Variants in MAPRE2 observed in about 807,000 individuals in gnomAD.
MAPRE2 encodes microtubule associated protein RP/EB family member 2.
In MAPRE2, 13 loss-of-function variants were observed where a neutral mutation model predicts 43.2. The observed-to-expected ratio is 0.30, with a 90% confidence interval of 0.20 to 0.48. MAPRE2 has a LOEUF of 0.48. Ranked by LOEUF, MAPRE2 falls within the 20% of genes least tolerant of loss-of-function variation. The probability of loss-of-function intolerance (pLI) is 0.99; values close to 1 mark genes in which losing one functional copy is unlikely to be tolerated. For missense variants in MAPRE2, 161 were observed against 400.2 expected, an observed-to-expected ratio of 0.40 and a Z score of 5.10; for synonymous variants, 135 against 148.8, an observed-to-expected ratio of 0.91 and a Z score of 0.68.
rs2097037128 is a variant in MAPRE2 at position 35,014,814 on chromosome 18, C to A, written c.-8+9261C>A. 2.0e-5 allele frequency among the ~76,000 whole-genome samples: 3 copies of A among 151,714 alleles called. No homozygotes were observed. The South Asian group carries it at 6.2e-4, about 32-fold the overall frequency. ...AGGGTACTGTGGCCCCAGGGACAAG[C>A]ACTGTGTTGCATATACAAATACATC... On this transcript the variant is annotated intron_variant, in intron 2 of 7. Coordinates refer to the MAPRE2 transcript ENST00000413393.
intron 2 of MAPRE2, among the ~76,000 whole-genome samples, chr18:35,077,656 C>A (rs760375904): frequency 2.1e-4 from 32 of 152,150 alleles, no homozygotes; most frequent in Non-Finnish European, 4.4e-4. Flanking sequence ...AACTCCATAG[C>A]CCCAGGGATC....
At chr18:34,992,821 C>A (rs187207837) in intron 1 of MAPRE2, among the ~76,000 whole-genome samples, 7 of 152,302 alleles carry the variant, frequency 4.6e-5, no homozygotes, top group Non-Finnish European at 1.0e-4. Flanking sequence ...TGATTTCCGG[C>A]AGATCAGACA....
At chr18:35,078,635 T>C (rs1255761153) in intron 2 of MAPRE2, among the ~76,000 whole-genome samples, 3 of 152,190 alleles carry the variant, frequency 2.0e-5, no homozygotes, top group East Asian at 1.9e-4. Flanking sequence ...GTGTGGCAGC[T>C]GTGGATGCAA....
rs1367827434 is a variant in MAPRE2, at chr18:35,141,969, AT to A, written c.*1603del. The A allele has an allele frequency of 2.6e-5, 4 of 152,246 alleles. No individual in the cohort carries two copies. The highest frequency in any genetic ancestry group is 9.6e-5 in the African/African-American group (4 of 41,464). The allele number at this position is 152,246 out of a possible 1,614,324, so 9.4% of individuals were successfully genotyped here. A position where few individuals can be genotyped will look rare whatever the true frequency, so the allele number is the denominator to read the frequency against. ...AATAAATCTTTTGCAGCAAAGTGATATTTATTGAGTTATGTGGAAAAGATGG... is the reference window on the plus strand; with the variant it reads ...AATAAATCTTTTGCAGCAAAGTGATATTATTGAGTTATGTGGAAAAGATGG... On this transcript the variant is annotated 3_prime_UTR_variant, in exon 7 of 7. Coordinates refer to ENST00000300249, the MANE Select transcript of MAPRE2 (RefSeq NM_014268.4).
chr18:35,085,862 T>A (rs1394814046), intron 2 of MAPRE2, among the ~76,000 whole-genome samples: 1 of 152,166 alleles, frequency 6.6e-6, no homozygotes, highest in Non-Finnish European at 1.5e-5. Flanking sequence ...ATGAGAAGGC[T>A]CAGATCCAAA....
At chr18:34,985,302 T>TATAA (rs1568961507) in intron 1 of MAPRE2, among the ~76,000 whole-genome samples, 1 of 21,328 alleles carries the variant, frequency 4.7e-5, no homozygotes, top group African/African-American at 1.8e-4. Context: ...ATATTATATA[T>TATAA]TGTATATATT....
intron 3 of MAPRE2, among the ~76,000 whole-genome samples, chr18:35,101,622 A>G (rs1280449798): frequency 6.6e-6 from 1 of 152,168 alleles, no homozygotes; most frequent in Non-Finnish European, 1.5e-5. Flanking sequence ...TCCCACAAAT[A>G]AGTGAAAATG....
intron 4 of MAPRE2, among the ~76,000 whole-genome samples, chr18:35,112,565 T>C (rs989875783): frequency 6.6e-6 from 1 of 152,216 alleles, no homozygotes; most frequent in Non-Finnish European, 1.5e-5. Context: ...CTAAGCTGCA[T>C]ACCATTTAAT....
chr18:35,031,599 T>C (rs1316817984), intron 2 of MAPRE2, among the ~76,000 whole-genome samples: 1 of 152,214 alleles, frequency 6.6e-6, no homozygotes, highest in Admixed American at 6.5e-5. Flanking sequence ...TTCTACAAAA[T>C]TAAATCCAAG....
At position 35,140,297 on chromosome 18, in the gene MAPRE2, G is replaced by A. The variant is rs750710500; in HGVS notation, c.912G>A (p.Glu304=). ...TGAAACTTCTCCCCTGCCCACAGGA[G>A]GGCCACACAGAAGAGCCGGAAGCAG... The part of the protein sequence containing the change: ...MDILYASEEH[E]GHTEEPEAEE... The change falls in exon 7 of 7, where the codon GAG becomes GAA. Residue 304 remains glutamate (E), a splice_region_variant and synonymous_variant. Coordinates refer to ENST00000300249, the MANE Select transcript of MAPRE2 (RefSeq NM_014268.4). 1.1e-5 allele frequency: 18 copies of A among 1,613,510 alleles called. 1 individual carries two copies. The Middle Eastern group carries it at 5.0e-4, about 44-fold the overall frequency.
chr18:35,008,183 A>T (rs774408064), intron 2 of MAPRE2, among the ~76,000 whole-genome samples: 1 of 152,136 alleles, frequency 6.6e-6, no homozygotes, highest in East Asian at 1.9e-4. Flanking sequence ...CTCATGATGT[A>T]TAAGACTCAG....
chr18:35,008,626 C>T (rs756688140), intron 2 of MAPRE2, among the ~76,000 whole-genome samples: 1 of 152,098 alleles, frequency 6.6e-6, no homozygotes, highest in Non-Finnish European at 1.5e-5. Context: ...TTAATTCTTA[C>T]TATCTTCCCA....
intron 2 of MAPRE2, among the ~76,000 whole-genome samples, chr18:35,009,981 T>C (rs1168533601): frequency 2.0e-5 from 3 of 152,172 alleles, no homozygotes; most frequent in African/African-American, 7.2e-5. Context: ...ACCATAGAGG[T>C]AGTAAGAATT....
At chr18:35,002,613 A>G (rs139778491) in intron 1 of MAPRE2, among the ~76,000 whole-genome samples, 1 of 152,160 alleles carries the variant, frequency 6.6e-6, no homozygotes, top group South Asian at 2.1e-4. Context: ...TCTGATAGGT[A>G]TGTTGTGATG....
intron 1 of MAPRE2, among the ~76,000 whole-genome samples, chr18:34,984,164 T>C (rs907670963): frequency 6.6e-6 from 1 of 152,182 alleles, no homozygotes; most frequent in Non-Finnish European, 1.5e-5. Flanking sequence ...GCTGGAAAGA[T>C]TACCATTAAG....
upstream of MAPRE2, among the ~76,000 whole-genome samples, chr18:35,038,665 A>G (rs1203598069): frequency 1.3e-5 from 2 of 152,162 alleles, no homozygotes; most frequent in African/African-American, 4.8e-5. Flanking sequence ...CTTTTCCTAC[A>G]TCGTACCATT....
chr18:35,074,352 A>G (rs1036254212), intron 2 of MAPRE2, among the ~76,000 whole-genome samples: 2 of 152,086 alleles, frequency 1.3e-5, no homozygotes, highest in African/African-American at 4.8e-5. Flanking sequence ...TTTATAAGGT[A>G]GCAATGAGGG....
chr18:35,074,692 C>T (rs1034093504), intron 2 of MAPRE2, among the ~76,000 whole-genome samples: 3 of 152,108 alleles, frequency 2.0e-5, no homozygotes, highest in Non-Finnish European at 4.4e-5. Flanking sequence ...GACTGAGTGC[C>T]TGCCTTGACT....
chr18:35,011,795 G>A (rs569480156), intron 2 of MAPRE2, among the ~76,000 whole-genome samples: 1 of 152,310 alleles, frequency 6.6e-6, no homozygotes, highest in Admixed American at 6.5e-5. Flanking sequence ...GACTGGGGAA[G>A]GAAGACGTCA....
Sources: allele counts gnomAD v4.1 joint callset (sites outside exome capture counted in the v4.1 genomes callset), GRCh38; gene constraint gnomAD v4.1.1; transcripts MANE v1.5; gene names NCBI Gene and HGNC (gene_info 2026-07-23, HGNC 2026-07-21).